Variants in TFR2 observed in about 807,000 individuals in gnomAD.
TFR2 encodes the protein transferrin receptor protein 2.
A neutral mutation model predicts 91.9 loss-of-function variants in TFR2; 64 were observed. The ratio of observed to expected loss-of-function variants is 0.70; its 90% CI spans 0.57 to 0.86. The LOEUF (loss-of-function observed/expected upper bound fraction) is 0.86. Among genes scored for constraint, TFR2 ranks in the 40% least tolerant of loss-of-function variants. TFR2 has a pLI of 0.00. For synonymous variants in TFR2, 454 were observed against 459.6 expected (o/e 0.99, Z 0.15); for missense variants, 950 against 1,080.5 (o/e 0.88, Z 1.69).
chr7:100,633,108 C>T lies in TFR2; in HGVS notation c.742G>A (p.Ala248Thr). 1 of 1,613,478 alleles carries T rather than the reference C, an allele frequency of 6.2e-7. No homozygotes were observed. Among genetic ancestry groups the T allele is most frequent in the Non-Finnish European group, 8.5e-7 (1 of 1,179,906 alleles). Residue 248 changes from alanine to threonine, a missense_variant, in exon 6 of 18, where the codon GCC (alanine) becomes ACC (threonine). By Grantham distance (58) the Ala-to-Thr change is moderately conservative. Transcript: ENST00000223051. ...IGNVTGELVYAHYGRPEDLQD... is the reference protein window; with the variant it reads ...IGNVTGELVYTHYGRPEDLQD... Reference sequence around the variant, plus strand: ...AGGTCTTCGGGCCGCCCGTAGTGGGCGTACACCAGCTCTCCCTGGGGACAC... The same window carrying T: ...AGGTCTTCGGGCCGCCCGTAGTGGGTGTACACCAGCTCTCCCTGGGGACAC...
In TFR2 at chr7:100,633,141, G is replaced by T; in HGVS notation, c.727-18C>A. The T allele has an allele frequency of 6.2e-7, 1 of 1,613,262 alleles. No homozygotes were observed. On this transcript the variant is annotated intron_variant, in intron 5 of 17. Coordinates refer to ENST00000223051, the MANE Select transcript of TFR2 (RefSeq NM_003227.4). Reference sequence around the variant, plus strand: ...AGCTCTCCCTGGGGACACGAGGACGGTGAGGCGCGCTCCCCGCGTCCCTCC... The same window carrying T: ...AGCTCTCCCTGGGGACACGAGGACGTTGAGGCGCGCTCCCCGCGTCCCTCC...
chr7:100,631,100 A>G, intron 8 of TFR2, 48 bp from the exon 9 acceptor site: 3 of 1,475,434 alleles, frequency 2.0e-6, no homozygotes, highest in African/African-American at 2.8e-5. Context: ...GAGACCCAGA[A>G]GAGTCCAAAT....
In TFR2 at chr7:100,629,280, G is replaced by GA. The variant is rs1020301245; in HGVS notation, c.1362_1363insT (p.Arg455SerfsTer26). 1 of 1,613,876 alleles carries GA rather than the reference G, an allele frequency of 6.2e-7. No individual in the cohort carries two copies. Among genetic ancestry groups the GA allele is most frequent in the African/African-American group, 1.3e-5 (1 of 74,912 alleles). ...TTGCTCACCATGGAGGAAAAGGTCC[G>GA]CACCAGCTCCAGGAGTATAGCCGTC... On this transcript the variant is annotated frameshift_variant, in exon 10 of 18. Coordinates refer to ENST00000223051, the MANE Select transcript of TFR2 (RefSeq NM_003227.4). LOFTEE classifies it high-confidence loss of function.
chr7:100,626,069 GTT>G (rs1803242248), intron 17 of TFR2, among the ~76,000 whole-genome samples: 1 of 152,142 alleles, frequency 6.6e-6, no homozygotes, highest in South Asian at 2.1e-4. Context: ...GGATGATCCT[GTT>G]TACTATTTTG....
intron 3 of TFR2, among the ~76,000 whole-genome samples, chr7:100,636,170 CTTTTTTTT>C (rs10584926): frequency 1.2e-5 from 1 of 85,732 alleles, no homozygotes. Flanking sequence ...CACCCTGCAT[CTTTTTTTT>C]TTTTTTTTTT....
chr7:100,635,741 G>A (rs925654505), intron 3 of TFR2, among the ~76,000 whole-genome samples: 1 of 152,022 alleles, frequency 6.6e-6, no homozygotes, highest in African/African-American at 2.4e-5. Context: ...TGGGATTACA[G>A]GTGTGAGCCA....
In TFR2 at chr7:100,621,100, G is replaced by A. The variant is rs41295939; in HGVS notation, c.2163C>T (p.Tyr721=). The A allele has an allele frequency of 4.8e-5, 73 of 1,535,606 alleles. No individual in the cohort carries two copies. Among genetic ancestry groups the A allele is most frequent in the East Asian group, 7.4e-5 (3 of 40,546 alleles). ...GGAACGGGGAGTCGGCTGGCGACAC[G>A]TACTGGGAAAGGAAGTAGAACTCCA... ...MRVEFYFLSQ[Y]VSPADSPFRH... is the part of the protein sequence containing the mutation. Residue 721 remains tyrosine (Y), a synonymous_variant, in exon 18 of 18, where the codon TAC becomes TAT. Coordinates refer to ENST00000223051, the MANE Select transcript of TFR2 (RefSeq NM_003227.4).
chr7:100,628,149 G>T lies in TFR2; in HGVS notation c.1474-13C>A. 1 of 1,614,040 alleles carries T rather than the reference G, an allele frequency of 6.2e-7. No individual in the cohort carries two copies. The highest frequency in any genetic ancestry group is 1.1e-5 in the South Asian group (1 of 91,060). ...CGCTGAGGTAGCCCTGTGGGTGGGTGACCAGTGTGGAGTGGGAACCCCCCA... is the reference window on the plus strand; with the variant it reads ...CGCTGAGGTAGCCCTGTGGGTGGGTTACCAGTGTGGAGTGGGAACCCCCCA... On this transcript the variant is annotated splice_polypyrimidine_tract_variant and intron_variant, in intron 11 of 17. Coordinates refer to ENST00000223051, the MANE Select transcript of TFR2 (RefSeq NM_003227.4).
In TFR2 at chr7:100,627,735, C is replaced by A. The variant is rs41295906; in HGVS notation, c.1682+9G>T. On this transcript the variant is annotated intron_variant, in intron 14 of 17. Transcript: ENST00000223051. ...TCCCTCCCCAGCTCTCCCTACCCCC[C>A]CAACTTACACCTCAGCATCCCAGCT... The A allele has an allele frequency of 2.2e-5, 36 of 1,613,900 alleles. No homozygotes were observed. The highest frequency in any genetic ancestry group is 2.8e-5 in the Non-Finnish European group (33 of 1,179,974).
intron 1 of TFR2, 66 bp downstream of exon 1, chr7:100,641,411 C>T: frequency 6.2e-7 from 1 of 1,604,076 alleles, no homozygotes; most frequent in South Asian, 1.1e-5. Context: ...GCCTCAGGGG[C>T]TTGGGAGGGG....
chr7:100,627,027 G>A, intron 16 of TFR2, 124 bp from the exon 17 acceptor site: 2 of 1,416,458 alleles, frequency 1.4e-6, no homozygotes, highest in South Asian at 1.4e-5. Flanking sequence ...GGAGGGAGGA[G>A]GTAGACGAGG....
intron 6 of TFR2, 110 bp downstream of exon 6, chr7:100,632,891 C>A (rs1584460410): frequency 4.4e-6 from 7 of 1,581,412 alleles, no homozygotes; most frequent in East Asian, 4.5e-5. Flanking sequence ...TACCATCCAG[C>A]CACATGGTTC....
At position 100,626,687 on chromosome 7, in the gene TFR2, G is replaced by A. The variant is rs994273244; in HGVS notation, c.2136+76C>T. On this transcript the variant is annotated intron_variant, in intron 17 of 17. Transcript: ENST00000223051. The stretch of plus-strand genomic sequence containing the variant: ...CGGGGAGAGAGAGGAGCGCGCAGAC[G>A]GGGCCAGGTCCAGGAGGTGGAGCCC... 9 of 1,524,584 alleles carry A rather than the reference G, an allele frequency of 5.9e-6. No individual in the cohort carries two copies. In the South Asian group the frequency reaches 8.4e-5, roughly 14 times the overall value. 94.4% of individuals were successfully genotyped at this position (1,524,584 alleles called of 1,614,324 possible).
Position 100,631,002 on chromosome 7 carries a change from C to T in TFR2, c.1157G>A (p.Gly386Asp), listed in dbSNP as rs767086840. ...CCCGGGGCCCAGGTGATAAGGGGAGCCTAGGAGGCTCCCCTGCCATTCTTG... is the reference window on the plus strand; with the variant it reads ...CCCGGGGCCCAGGTGATAAGGGGAGTCTAGGAGGCTCCCCTGCCATTCTTG... ...APQEWQGSLL[G>D]SPYHLGPGPR... Residue 386 changes from glycine to aspartate, a missense_variant, in exon 9 of 18, where the codon GGC becomes GAC. By Grantham distance (94) the Gly-to-Asp change is moderately conservative. Transcript: ENST00000223051. 2.6e-6 allele frequency: 4 copies of T among 1,559,666 alleles called. No individual in the cohort carries two copies. Among genetic ancestry groups the T allele is most frequent in the Non-Finnish European group, 3.5e-6 (4 of 1,156,136 alleles).
chr7:100,634,177 AAC>A (rs3076877), intron 3 of TFR2, among the ~76,000 whole-genome samples: 10,964 of 132,530 alleles, frequency 0.083, 467 homozygotes, highest in Middle Eastern at 0.13. Flanking sequence ...TCCCGACGTC[AAC>A]ACACACACAC....
chr7:100,630,922 T>G lies in TFR2; in HGVS notation c.1237A>C (p.Ile413Leu). The change falls in exon 9 of 18, where the codon ATC becomes CTC. Residue 413 changes from isoleucine (I) to leucine (L), a missense_variant. Transcript: ENST00000223051. ...GAGCGGCCTTCGATGCAGCCGAAGA[T>G]GTTGTTGATGGGGGTGGAGGTCCTG... ...NHRTSTPINN[I>L]FGCIEGRSEP... 6.2e-7 allele frequency: 1 copy of G among 1,612,818 alleles called. No individual in the cohort carries two copies. Among genetic ancestry groups the G allele is most frequent in the Non-Finnish European group, 8.5e-7 (1 of 1,179,704 alleles).
rs1482416738 is a variant in TFR2 at position 100,620,828 on chromosome 7, G to A, written c.*29C>T. The A allele has an allele frequency of 5.0e-6, 8 of 1,613,370 alleles. No individual in the cohort carries two copies. In the African/African-American group the frequency reaches 5.3e-5, roughly 11 times the overall value. On this transcript the variant is annotated 3_prime_UTR_variant, in exon 18 of 18. Transcript: ENST00000223051. The stretch of plus-strand genomic sequence containing the variant: ...GAGGAGCAGAGGAGCTCTTGACTGG[G>A]GGACGGGGATGTGAGGATCCCCAGG...
At position 100,629,213 on chromosome 7, in the gene TFR2, C is replaced by T. The variant is rs542021739; in HGVS notation, c.1390+40G>A. ...TATCCTCCTCGGGCCACAGGCCCACCGCTGCCTAGCCCAGGCCCAGGCCCT... is the reference window on the plus strand; with the variant it reads ...TATCCTCCTCGGGCCACAGGCCCACTGCTGCCTAGCCCAGGCCCAGGCCCT... On this transcript the variant is annotated intron_variant, in intron 10 of 17. Coordinates refer to ENST00000223051, the MANE Select transcript of TFR2 (RefSeq NM_003227.4). 28 of 1,611,856 alleles carry T rather than the reference C, an allele frequency of 1.7e-5. No homozygotes were observed. In the East Asian group the frequency reaches 1.8e-4, roughly 10 times the overall value.
In TFR2 at chr7:100,636,685, G is replaced by A. The variant is rs184637597; in HGVS notation, c.474-3129C>T. Among the ~76,000 whole-genome samples, 176 of 151,838 alleles carry A rather than the reference G, an allele frequency of 1.2e-3. 1 individual carries two copies. The highest frequency in any genetic ancestry group is 1.5e-3 in the Non-Finnish European group (105 of 67,940). On this transcript the variant is annotated intron_variant, in intron 3 of 17. Transcript: ENST00000223051. Reference sequence around the variant, plus strand: ...GGTTCCAACTCCCCCAGTTATCCTCGCTGTACCTGCTCTTCAACCCCATTG... The same window carrying A: ...GGTTCCAACTCCCCCAGTTATCCTCACTGTACCTGCTCTTCAACCCCATTG...
Sources: allele counts gnomAD v4.1 joint callset (sites outside exome capture counted in the v4.1 genomes callset), GRCh38; gene constraint gnomAD v4.1.1; transcripts MANE v1.5; gene names NCBI Gene and HGNC (gene_info 2026-07-23, HGNC 2026-07-21).